FYCO1: variants seen among roughly 807,000 people sequenced by gnomAD.
The protein encoded by FYCO1 is FYVE and coiled-coil domain-containing protein 1.
Under a neutral mutation model 165.1 loss-of-function variants are expected in FYCO1, and 122 were observed. That is an observed-to-expected ratio of 0.74 (90% CI 0.64 to 0.86). FYCO1 has a LOEUF of 0.86. Among genes scored for constraint, FYCO1 ranks in the 40% least tolerant of loss-of-function variants. The pLI, the probability that FYCO1 is intolerant of heterozygous loss-of-function variation, is 0.00. For synonymous variants in FYCO1, 648 were observed against 742.5 expected (o/e 0.87, Z 2.07); for missense variants, 1,702 against 1,810.3 (o/e 0.94, Z 1.09).
At position 45,966,926 on chromosome 3, in the gene FYCO1, A is replaced by G; in HGVS notation, c.2408T>C (p.Leu803Pro). Residue 803 changes from leucine (L) to proline (P), a missense_variant, in exon 8 of 18, where the codon CTG becomes CCG. Leu to Pro is a moderately conservative substitution (Grantham distance 98, BLOSUM62 -3). Transcript: ENST00000296137. ...VDLQAKMRAA[L>P]DDQDKVQSQL... The stretch of plus-strand genomic sequence containing the variant: ...GCTCTGCACCTTGTCCTGGTCATCC[A>G]GGGCTGCCCGCATCTTGGCCTGGAG... 1 of 1,613,722 alleles carries G rather than the reference A, an allele frequency of 6.2e-7. No individual in the cohort carries two copies. The highest frequency in any genetic ancestry group is 1.1e-5 in the South Asian group (1 of 91,086).
At chr3:45,928,858 A>C (rs1022291029) in intron 16 of FYCO1, among the ~76,000 whole-genome samples, 1 of 152,172 alleles carries the variant, frequency 6.6e-6, no homozygotes, top group Non-Finnish European at 1.5e-5. Context: ...TGAGCTCCTC[A>C]ACGGGAGATC....
At chr3:45,958,071 C>T (rs1395136024) in intron 13 of FYCO1, among the ~76,000 whole-genome samples, 1 of 152,182 alleles carries the variant, frequency 6.6e-6, no homozygotes, top group Non-Finnish European at 1.5e-5. Context: ...CAACTCCTAG[C>T]CTTGAGTTAC....
intron 1 of FYCO1, among the ~76,000 whole-genome samples, chr3:45,990,501 A>G (rs937036064): frequency 6.6e-6 from 1 of 152,196 alleles, no homozygotes; most frequent in African/African-American, 2.4e-5. Flanking sequence ...AGAGTCTCAC[A>G]TTATGCTTCT....
Position 45,995,747 on chromosome 3 carries a change from G to C in FYCO1, c.-138C>G, listed in dbSNP as rs1707774207. On this transcript the variant is annotated 5_prime_UTR_variant, in exon 1 of 18. Coordinates refer to ENST00000296137, the MANE Select transcript of FYCO1 (RefSeq NM_024513.4). ...GCGCTCGTGGGTCCACCGCCGGGCA[G>C]AACCGAAACTTTCTGGGGCCAAGCG... 1 of 152,764 alleles carries C rather than the reference G, an allele frequency of 6.5e-6. No individual in the cohort carries two copies. Among genetic ancestry groups the C allele is most frequent in the Non-Finnish European group, 1.5e-5 (1 of 68,124 alleles). The allele number at this position is 152,764 out of a possible 1,614,324, so 9.5% of individuals were successfully genotyped here. A position where few individuals can be genotyped will look rare whatever the true frequency, so the allele number is the denominator to read the frequency against.
Position 45,947,479 on chromosome 3 carries a change from A to G in FYCO1, c.3944+7770T>C, listed in dbSNP as rs751405673. On this transcript the variant is annotated intron_variant, in intron 14 of 17. Transcript: ENST00000296137. ...TCCAAGACTTTTTCTGCCTCCCACA[A>G]TGTGGAGGCCACCAGCATGTTCCAG... 6.2e-7 allele frequency: 1 copy of G among 1,613,778 alleles called. No homozygotes were observed. The highest frequency in any genetic ancestry group is 8.5e-7 in the Non-Finnish European group (1 of 1,179,674).
intron 15 of FYCO1, among the ~76,000 whole-genome samples, chr3:45,932,776 A>G (rs182433626): frequency 3.2e-4 from 48 of 152,330 alleles, no homozygotes; most frequent in African/African-American, 1.1e-3. Flanking sequence ...ATTCAATTCA[A>G]TGCGATACTT....
At chr3:45,978,943 G>T (rs969769922) in intron 4 of FYCO1, among the ~76,000 whole-genome samples, 7 of 147,664 alleles carry the variant, frequency 4.7e-5, no homozygotes, top group Non-Finnish European at 1.0e-4. Flanking sequence ...TGCAAGCTCC[G>T]CCTCCCGGGT....
chr3:45,930,552 C>T (rs1703540199), intron 16 of FYCO1, among the ~76,000 whole-genome samples: 1 of 152,220 alleles, frequency 6.6e-6, no homozygotes, highest in African/African-American at 2.4e-5. Context: ...CGGGCACTGT[C>T]AACATTCCAT....
chr3:45,977,399 A>ATG (rs1706825781), intron 4 of FYCO1, among the ~76,000 whole-genome samples: 3 of 69,712 alleles, frequency 4.3e-5, no homozygotes, highest in African/African-American at 8.6e-5. Flanking sequence ...ATATATATAT[A>ATG]TATATATAAA....
At position 45,958,419 on chromosome 3, in the gene FYCO1, G is replaced by A. The variant is rs1705482269; in HGVS notation, c.3788C>T (p.Thr1263Ile). Reference protein sequence around the residue: ...LSPASPGPQATGGQGANTDYR... With the variant: ...LSPASPGPQAIGGQGANTDYR... ...AGCAGGAGACTGACCTTGGCCTCCT[G>A]TGGCCTGGGGCCCAGGTGAGGCTGG... The change falls in exon 13 of 18, where the codon ACA becomes ATA. Residue 1263 changes from threonine to isoleucine, a missense_variant. By Grantham distance (89) the Thr-to-Ile change is moderately conservative. Coordinates refer to ENST00000296137, the MANE Select transcript of FYCO1 (RefSeq NM_024513.4). 5.0e-6 allele frequency: 8 copies of A among 1,612,270 alleles called. No homozygotes were observed. Among genetic ancestry groups the A allele is most frequent in the Admixed American group, 3.3e-5 (2 of 59,968 alleles).
At chr3:45,941,181 G>T (rs1347319321) in intron 14 of FYCO1, 1 of 152,144 alleles carries the variant, frequency 6.6e-6, no homozygotes, top group African/African-American at 2.4e-5. Flanking sequence ...GCCACGCCTG[G>T]CTGGTTAGGC....
At chr3:45,958,109 A>G (rs754046171) in intron 13 of FYCO1, among the ~76,000 whole-genome samples, 1 of 152,222 alleles carries the variant, frequency 6.6e-6, no homozygotes, top group Non-Finnish European at 1.5e-5. Flanking sequence ...CAGCTCTGGT[A>G]GACGGCATTC....
intron 1 of FYCO1, among the ~76,000 whole-genome samples, chr3:45,994,425 C>A (rs1707699963): frequency 1.3e-5 from 2 of 152,076 alleles, no homozygotes; most frequent in South Asian, 2.1e-4. Context: ...TAGGAGAGAT[C>A]CTATTAATCA....
At chr3:45,959,276 T>C in intron 12 of FYCO1, 117 bp downstream of exon 12, 1 of 1,155,582 alleles carries the variant, frequency 8.7e-7, no homozygotes, top group Non-Finnish European at 1.3e-6. Flanking sequence ...CAATGTGCTC[T>C]TCCTAAATAG....
At chr3:45,974,214 A>G (rs1706601909) in intron 5 of FYCO1, among the ~76,000 whole-genome samples, 1 of 152,206 alleles carries the variant, frequency 6.6e-6, no homozygotes, top group South Asian at 2.1e-4. Flanking sequence ...CCCTGTCTAT[A>G]TAAAAAGTAA....
At chr3:45,949,549 A>G (rs763228534) in intron 14 of FYCO1, among the ~76,000 whole-genome samples, 1 of 152,118 alleles carries the variant, frequency 6.6e-6, no homozygotes, top group African/African-American at 2.4e-5. Flanking sequence ...CTCCACCACC[A>G]TGTACCCCTG....
At position 45,935,955 on chromosome 3, in the gene FYCO1, T is replaced by G. The variant is rs998432132; in HGVS notation, c.4040+493A>C. The stretch of plus-strand genomic sequence containing the variant: ...AGAACTCGATGATATGGGAAAATAC[T>G]CATGCTATAGGAAGTTTTAAAAGAC... On this transcript the variant is annotated intron_variant, in intron 15 of 17. Transcript: ENST00000296137. Among the ~76,000 whole-genome samples, 14 of 152,336 alleles carry G rather than the reference T, an allele frequency of 9.2e-5. No individual in the cohort carries two copies. In the East Asian group the frequency reaches 2.7e-3, roughly 29 times the overall value.
Position 45,955,238 on chromosome 3 carries a change from C to A in FYCO1, c.3944+11G>T. 6.2e-7 allele frequency: 1 copy of A among 1,613,568 alleles called. No homozygotes were observed. Among genetic ancestry groups the A allele is most frequent in the Non-Finnish European group, 8.5e-7 (1 of 1,179,984 alleles). ...ATGAGCACTCAGGAAATGGGGGTGA[C>A]CTCTACTCACTGTTCAGCCGCATTT... On this transcript the variant is annotated intron_variant, in intron 14 of 17. Transcript: ENST00000296137.
chr3:45,965,206 T>C, intron 8 of FYCO1, 81 bp from the exon 9 acceptor site: 4 of 1,082,542 alleles, frequency 3.7e-6, no homozygotes, highest in East Asian at 2.4e-5. Context: ...CCCAAACAGA[T>C]AAAACCAAGC....
Sources: gnomAD v4.1 joint callset for allele counts (sites outside exome capture counted in the v4.1 genomes callset) on GRCh38, gnomAD v4.1.1 for gene constraint, MANE v1.5 for transcripts, NCBI Gene and HGNC (gene_info 2026-07-23, HGNC 2026-07-21) for gene names.